ROR1: variants seen among roughly 807,000 people sequenced by gnomAD.
ROR1 encodes inactive tyrosine-protein kinase transmembrane receptor ROR1.
A neutral mutation model predicts 78.8 loss-of-function variants in ROR1; 19 were observed. The observed-to-expected ratio is 0.24, with a 90% CI of 0.17 to 0.35. The LOEUF is 0.35. ROR1 is among the 10% of genes least tolerant of loss of function. ROR1 has a pLI of 1.00. For missense variants in ROR1, 917 were observed against 1,177.8 expected (o/e 0.78, Z 3.24); for synonymous variants, 386 against 433.6 (o/e 0.89, Z 1.36).
Position 63,825,709 on chromosome 1 carries a change from A to G in ROR1, c.91+51201A>G, listed in dbSNP as rs541642098. ...TGGTAAAAATATTCTTTGAAAGCTG[A>G]ATTTTTAATAGTGTCATATTATTCC... On this transcript the variant is annotated intron_variant, in intron 1 of 8. Transcript: ENST00000371079. Among the ~76,000 whole-genome samples the G allele has an allele frequency of 1.1e-3, 173 of 152,356 alleles. 3 individuals are homozygous for G. Among genetic ancestry groups the G allele is most frequent in the African/African-American group, 3.9e-3 (164 of 41,582 alleles).
intron 1 of ROR1, among the ~76,000 whole-genome samples, chr1:63,867,628 G>A (rs1475600934): frequency 2.0e-5 from 3 of 152,200 alleles, no homozygotes; most frequent in African/African-American, 4.8e-5. Context: ...CAGGGGTAAC[G>A]AGGTGGTTCA....
rs541939635 is a variant in ROR1, at chr1:63,922,981, A to G, written c.92-86324A>G. On this transcript the variant is annotated intron_variant, in intron 1 of 8. Transcript: ENST00000371079. The stretch of plus-strand genomic sequence containing the variant: ...CAGTGGAAAAGAGCTACTTGATTCT[A>G]ATGATAGTAATAATGAAAACAACTG... Among the ~76,000 whole-genome samples the G allele has an allele frequency of 3.3e-5, 5 of 152,284 alleles. No homozygotes were observed. The East Asian group carries it at 9.6e-4, about 29-fold the overall frequency.
chr1:63,921,553 T>G (rs1018924659), intron 1 of ROR1, among the ~76,000 whole-genome samples: 1 of 151,950 alleles, frequency 6.6e-6, no homozygotes, highest in Non-Finnish European at 1.5e-5. Flanking sequence ...ACCAAAGGAA[T>G]CTAAGAGCTT....
intron 1 of ROR1, among the ~76,000 whole-genome samples, chr1:63,827,064 TA>T (rs35245981): frequency 0.17 from 26,621 of 152,120 alleles, 2,462 homozygotes; most frequent in African/African-American, 0.23. Flanking sequence ...CTTTTTTTCA[TA>T]ATGGTTGCTG....
intron 2 of ROR1, among the ~76,000 whole-genome samples, chr1:64,033,658 T>C (rs190428622): frequency 1.2e-4 from 18 of 152,348 alleles, no homozygotes; most frequent in Admixed American, 2.0e-4. Context: ...GTAATAATAA[T>C]GACAAACCCT....
At chr1:63,865,398 C>T (rs969989937) in intron 1 of ROR1, among the ~76,000 whole-genome samples, 9 of 152,118 alleles carry the variant, frequency 5.9e-5, no homozygotes, top group Non-Finnish European at 8.8e-5. Flanking sequence ...AAACTTTTAC[C>T]ATCTATCTCA....
At chr1:63,874,114 A>G (rs1028404438) in intron 1 of ROR1, among the ~76,000 whole-genome samples, 2 of 152,174 alleles carry the variant, frequency 1.3e-5, no homozygotes, top group Admixed American at 6.6e-5. Flanking sequence ...GATAGTTATT[A>G]TTGAGATATG....
At chr1:63,899,511 T>G (rs1201110154) in intron 1 of ROR1, among the ~76,000 whole-genome samples, 1 of 152,152 alleles carries the variant, frequency 6.6e-6, no homozygotes, top group African/African-American at 2.4e-5. Flanking sequence ...CTCAGAAAGT[T>G]TCAGTGTCTT....
intron 1 of ROR1, among the ~76,000 whole-genome samples, chr1:63,782,105 T>C (rs1557493380): frequency 6.6e-6 from 1 of 152,192 alleles, no homozygotes; most frequent in Non-Finnish European, 1.5e-5. Flanking sequence ...GTGAACCAAA[T>C]ATTCTGATAG....
chr1:64,156,641 A>T (rs1316999980), intron 7 of ROR1, among the ~76,000 whole-genome samples: 7 of 145,680 alleles, frequency 4.8e-5, no homozygotes, highest in Non-Finnish European at 1.0e-4. Flanking sequence ...CGGGAGGCGG[A>T]CGTTGCAGTG....
At chr1:63,839,012 T>G (rs537449156) in intron 1 of ROR1, among the ~76,000 whole-genome samples, 10 of 152,232 alleles carry the variant, frequency 6.6e-5, no homozygotes, top group Non-Finnish European at 1.3e-4. Context: ...TGTAGTAGGC[T>G]ATACCATCTA....
chr1:64,129,185 G>A (rs991211312), intron 4 of ROR1, among the ~76,000 whole-genome samples: 1 of 152,140 alleles, frequency 6.6e-6, no homozygotes, highest in African/African-American at 2.4e-5. Flanking sequence ...AGACAGAAAA[G>A]CAAGAATTGG....
intron 1 of ROR1, among the ~76,000 whole-genome samples, chr1:64,000,575 G>A (rs561043829): frequency 6.6e-6 from 1 of 152,262 alleles, no homozygotes; most frequent in African/African-American, 2.4e-5. Flanking sequence ...TTAGTAACTA[G>A]TTGGGATGTT....
chr1:63,918,028 A>C (rs1291709608), intron 1 of ROR1, among the ~76,000 whole-genome samples: 1 of 152,006 alleles, frequency 6.6e-6, no homozygotes, highest in African/African-American at 2.4e-5. Context: ...CAAAGTGAGG[A>C]GTCACCACTA....
At chr1:64,135,922 C>T (rs1460676139) in intron 4 of ROR1, among the ~76,000 whole-genome samples, 2 of 152,100 alleles carry the variant, frequency 1.3e-5, no homozygotes, top group Non-Finnish European at 2.9e-5. Context: ...AAATTAGTGT[C>T]CTATCAGGTG....
chr1:63,999,066 G>A (rs1464516384), intron 1 of ROR1, among the ~76,000 whole-genome samples: 1 of 152,170 alleles, frequency 6.6e-6, no homozygotes, highest in African/African-American at 2.4e-5. Flanking sequence ...CATTAAACCT[G>A]TTTTTCTTCC....
intron 4 of ROR1, among the ~76,000 whole-genome samples, chr1:64,115,947 T>C (rs1648303020): frequency 6.6e-6 from 1 of 152,214 alleles, no homozygotes; most frequent in African/African-American, 2.4e-5. Context: ...AACATGATTA[T>C]GGTTAGAATA....
intron 2 of ROR1, among the ~76,000 whole-genome samples, chr1:64,040,415 A>G (rs1430038936): frequency 2.6e-5 from 4 of 152,374 alleles, no homozygotes; most frequent in African/African-American, 9.6e-5. Context: ...AAAAGTGCAC[A>G]TATGATAAAT....
At chr1:64,010,817 T>A (rs987501019) in intron 2 of ROR1, among the ~76,000 whole-genome samples, 1 of 152,186 alleles carries the variant, frequency 6.6e-6, no homozygotes, top group African/African-American at 2.4e-5. Flanking sequence ...GGCTTCCTCC[T>A]TCGCTGGGCA....
Sources: gnomAD v4.1 joint callset for allele counts (sites outside exome capture counted in the v4.1 genomes callset) on GRCh38, gnomAD v4.1.1 for gene constraint, MANE v1.5 for transcripts, NCBI Gene and HGNC (gene_info 2026-07-23, HGNC 2026-07-21) for gene names.